Variants in DTNBP1 observed in about 807,000 individuals in gnomAD.
DTNBP1 encodes dysbindin.
A neutral mutation model predicts 42.8 loss-of-function variants in DTNBP1; 35 were observed. The observed-to-expected ratio is 0.82, with a 90% CI of 0.63 to 1.09. DTNBP1 has a LOEUF of 1.09. Ranked by LOEUF, DTNBP1 falls within the 50% of genes least tolerant of loss-of-function variation. DTNBP1 has a pLI of 0.00. For missense variants in DTNBP1, 457 were observed against 424.2 expected, an observed-to-expected ratio of 1.08 and a Z score of -0.68; for synonymous variants, 171 against 162.2, an observed-to-expected ratio of 1.05 and a Z score of -0.41.
rs551931817 is a variant in DTNBP1 at position 15,533,660 on chromosome 6, C to T, written c.512-265G>A. 2.0e-3 allele frequency: 1,177 copies of T among 600,298 alleles called. 4 individuals are homozygous for T. Among genetic ancestry groups the T allele is most frequent in the Non-Finnish European group, 3.0e-3 (947 of 320,548 alleles). The allele number at this position is 600,298 out of a possible 1,614,324, so 37.2% of individuals were successfully genotyped here. On this transcript the variant is annotated intron_variant, in intron 7 of 9. Coordinates refer to ENST00000344537, the MANE Select transcript of DTNBP1 (RefSeq NM_032122.5). ...CCTTTGCTGGAACGACCTTCCCACC[C>T]GCATCGCCCATTCATCAGTCACAAA...
chr6:15,539,915 G>T (rs577169849), intron 7 of DTNBP1, among the ~76,000 whole-genome samples: 1 of 152,106 alleles, frequency 6.6e-6, no homozygotes, highest in Non-Finnish European at 1.5e-5. Context: ...ATACAAGTGC[G>T]GTAAAAACAC....
At chr6:15,575,951 G>A (rs1251963618) in intron 7 of DTNBP1, among the ~76,000 whole-genome samples, 1 of 152,196 alleles carries the variant, frequency 6.6e-6, no homozygotes, top group Non-Finnish European at 1.5e-5. Flanking sequence ...CCCATGAGCT[G>A]TGAGACACAG....
chr6:15,524,415 G>C, intron 9 of DTNBP1, 111 bp downstream of exon 9: 1 of 1,614,228 alleles, frequency 6.2e-7, no homozygotes, highest in Non-Finnish European at 8.5e-7. Flanking sequence ...CTGGCTGTGA[G>C]CTTGGGGGTT....
rs1252436157 is a variant in DTNBP1 at position 15,662,900 on chromosome 6, C to T, written c.-31G>A. 1 of 1,601,818 alleles carries T rather than the reference C, an allele frequency of 6.2e-7. No individual in the cohort carries two copies. Among genetic ancestry groups the T allele is most frequent in the African/African-American group, 1.3e-5 (1 of 74,948 alleles). On this transcript the variant is annotated 5_prime_UTR_variant, in exon 1 of 10. Coordinates refer to ENST00000344537, the MANE Select transcript of DTNBP1 (RefSeq NM_032122.5). ...CCGCCGCCGGTCTCCTCTCCTCAGG[C>T]CTCGGGCTGCTGCTGCCTCTGTCGC...
chr6:15,643,995 T>C (rs924564182), intron 3 of DTNBP1, among the ~76,000 whole-genome samples: 2 of 151,644 alleles, frequency 1.3e-5, no homozygotes, highest in Non-Finnish European at 2.9e-5. Context: ...CAGTGGCAAG[T>C]TGGATTAAAA....
chr6:15,586,362 TCTC>T (rs1433118148), intron 7 of DTNBP1, among the ~76,000 whole-genome samples: 1 of 152,060 alleles, frequency 6.6e-6, no homozygotes, highest in East Asian at 1.9e-4. Context: ...TACAAACACT[TCTC>T]CACAAATTTT....
chr6:15,568,688 C>T (rs145919689), intron 7 of DTNBP1, among the ~76,000 whole-genome samples: 2 of 152,292 alleles, frequency 1.3e-5, no homozygotes, highest in Non-Finnish European at 2.9e-5. Flanking sequence ...GGACGAAGAT[C>T]TTCATAATGG....
chr6:15,658,268 A>G (rs1761394319), intron 1 of DTNBP1, among the ~76,000 whole-genome samples: 1 of 152,214 alleles, frequency 6.6e-6, no homozygotes, highest in Non-Finnish European at 1.5e-5. Context: ...ATATTTATGA[A>G]ATCAAGTTGA....
At chr6:15,652,896 T>C (rs1400904969) in intron 1 of DTNBP1, among the ~76,000 whole-genome samples, 2 of 152,210 alleles carry the variant, frequency 1.3e-5, no homozygotes, top group African/African-American at 4.8e-5. Flanking sequence ...GAGCTGGGAT[T>C]ATAGGTGTGT....
At chr6:15,629,221 G>C (rs545161275) in intron 4 of DTNBP1, among the ~76,000 whole-genome samples, 32 of 152,034 alleles carry the variant, frequency 2.1e-4, no homozygotes, top group Admixed American at 5.9e-4. Flanking sequence ...CCCTATTTTG[G>C]ATACTGAAGA....
At chr6:15,558,973 A>C (rs917008131) in intron 7 of DTNBP1, among the ~76,000 whole-genome samples, 5 of 152,206 alleles carry the variant, frequency 3.3e-5, no homozygotes, top group Non-Finnish European at 5.9e-5. Flanking sequence ...CTTGCTGTTT[A>C]TCTTTATTTT....
At chr6:15,613,882 C>G (rs1299263160) in intron 6 of DTNBP1, among the ~76,000 whole-genome samples, 1 of 152,166 alleles carries the variant, frequency 6.6e-6, no homozygotes, top group Non-Finnish European at 1.5e-5. Context: ...AACTATGGTC[C>G]ACAGGCCACC....
At chr6:15,581,411 C>CT (rs1775825669) in intron 7 of DTNBP1, among the ~76,000 whole-genome samples, 1 of 151,588 alleles carries the variant, frequency 6.6e-6, no homozygotes, top group Admixed American at 6.6e-5. Flanking sequence ...AACTCCTGAC[C>CT]TCGTGATCCA....
At chr6:15,624,690 T>A (rs1759238944) in intron 5 of DTNBP1, among the ~76,000 whole-genome samples, 1 of 152,226 alleles carries the variant, frequency 6.6e-6, no homozygotes, top group Non-Finnish European at 1.5e-5. Flanking sequence ...ACCCTGTGAC[T>A]AAATATAATC....
rs1348718214 is a variant in DTNBP1, at chr6:15,651,248, A to C, written c.161+65T>G. ...TTTAAGGCTTTTAACCTACAAAATT[A>C]AAAGATATTTTTGGTCAGTAAAAAA... On this transcript the variant is annotated intron_variant, in intron 3 of 9. Transcript: ENST00000344537. The C allele has an allele frequency of 2.1e-6, 3 of 1,445,192 alleles. No homozygotes were observed. The Admixed American group carries it at 5.2e-5, about 25-fold the overall frequency. The allele number at this position is 1,445,192 out of a possible 1,614,324, so 89.5% of individuals were successfully genotyped here. A position where few individuals can be genotyped will look rare whatever the true frequency, so the allele number is the denominator to read the frequency against.
Position 15,523,493 on chromosome 6 carries a change from A to C in DTNBP1, c.812-274T>G, listed in dbSNP as rs186055842. On this transcript the variant is annotated intron_variant, in intron 9 of 9. Transcript: ENST00000344537. ...CTCCTAAGGCTGTAATACGCGTGTAATAGAGGCCCAAAGGCAAGTGCTGCC... is the reference window on the plus strand; with the variant it reads ...CTCCTAAGGCTGTAATACGCGTGTACTAGAGGCCCAAAGGCAAGTGCTGCC... 5.4e-6 allele frequency: 7 copies of C among 1,285,900 alleles called. No homozygotes were observed. The East Asian group carries it at 1.7e-4, about 31-fold the overall frequency. The allele number at this position is 1,285,900 out of a possible 1,614,324, so 79.7% of individuals were successfully genotyped here. A position where few individuals can be genotyped will look rare whatever the true frequency, so the allele number is the denominator to read the frequency against.
chr6:15,589,056 T>C (rs1456938090), intron 7 of DTNBP1, among the ~76,000 whole-genome samples: 1 of 152,250 alleles, frequency 6.6e-6, no homozygotes, highest in Non-Finnish European at 1.5e-5. Flanking sequence ...CAATGGCAGC[T>C]GAATAGTTTT....
chr6:15,652,161 T>C, intron 1 of DTNBP1, 21 bp from the exon 2 acceptor site: 1 of 1,540,306 alleles, frequency 6.5e-7, no homozygotes, highest in Non-Finnish European at 8.8e-7. Flanking sequence ...ATATAAAATA[T>C]AATATTTTTA....
intron 3 of DTNBP1, among the ~76,000 whole-genome samples, chr6:15,644,290 G>A (rs1470775077): frequency 6.6e-6 from 1 of 151,526 alleles, no homozygotes; most frequent in Non-Finnish European, 1.5e-5. Context: ...CCCAGATTTA[G>A]AAACTACTAC....
Sources: allele counts gnomAD v4.1 joint callset (sites outside exome capture counted in the v4.1 genomes callset), GRCh38; gene constraint gnomAD v4.1.1; transcripts MANE v1.5; gene names NCBI Gene and HGNC (gene_info 2026-07-23, HGNC 2026-07-21).